MAN1C1: variants seen among roughly 807,000 people sequenced by gnomAD.
MAN1C1 encodes mannosidase alpha class 1C member 1, also known as mannosyl-oligosaccharide 1,2-alpha-mannosidase IC.
Under a neutral mutation model 71.5 loss-of-function variants are expected in MAN1C1, and 49 were observed. That is an observed-to-expected ratio of 0.69 (90% CI 0.54 to 0.87). The LOEUF is 0.87. Among genes scored for constraint, MAN1C1 ranks in the 40% least tolerant of loss-of-function variants. The pLI is 0.00. For missense variants in MAN1C1, 743 were observed against 835.0 expected, an observed-to-expected ratio of 0.89 and a Z score of 1.36; for synonymous variants, 352 against 343.7, an observed-to-expected ratio of 1.02 and a Z score of -0.27.
intron 2 of MAN1C1, among the ~76,000 whole-genome samples, chr1:25,737,645 C>T (rs937698025): frequency 3.3e-5 from 5 of 152,168 alleles, no homozygotes; most frequent in African/African-American, 4.8e-5. Context: ...TTCACAGGCA[C>T]CTATGCAGAG....
At chr1:25,663,101 T>A (rs926902573) in intron 1 of MAN1C1, among the ~76,000 whole-genome samples, 5 of 148,422 alleles carry the variant, frequency 3.4e-5, no homozygotes, top group African/African-American at 1.2e-4. Flanking sequence ...AAAAAAAAAA[T>A]TATACATATA....
chr1:25,648,162 A>G (rs569810872), intron 1 of MAN1C1, among the ~76,000 whole-genome samples: 4 of 152,354 alleles, frequency 2.6e-5, no homozygotes, highest in South Asian at 4.1e-4. Flanking sequence ...CAGTGCTACC[A>G]TCTCCTGGTG....
At chr1:25,649,934 G>A (rs889756042) in intron 1 of MAN1C1, among the ~76,000 whole-genome samples, 6 of 152,244 alleles carry the variant, frequency 3.9e-5, no homozygotes, top group African/African-American at 1.4e-4. Flanking sequence ...CACCGTGCCC[G>A]GCCTGGCCTT....
chr1:25,769,750 AAG>A lies in MAN1C1; in HGVS notation c.1142-1904_1142-1903del, dbSNP rs2047520967. On this transcript the variant is annotated intron_variant, in intron 7 of 11. Coordinates refer to ENST00000374332, the MANE Select transcript of MAN1C1 (RefSeq NM_020379.4). The surrounding 1 kb of genome is among the most constrained non-coding windows in gnomAD (Gnocchi z 4.8). Reference sequence around the variant, plus strand: ...GAGTCGCATGCAATCCCTCCCCACAAAGAGCCCACGAGCTAGTGAGGGAGGCA... The same window carrying A: ...GAGTCGCATGCAATCCCTCCCCACAAAGCCCACGAGCTAGTGAGGGAGGCA... Among the ~76,000 whole-genome samples the A allele has an allele frequency of 1.3e-5, 2 of 152,082 alleles. No homozygotes were observed. Among genetic ancestry groups the A allele is most frequent in the South Asian group, 4.1e-4 (2 of 4,834 alleles).
intron 1 of MAN1C1, chr1:25,644,488 T>C (rs1323719441): frequency 7.6e-6 from 1 of 131,992 alleles, no homozygotes; most frequent in Non-Finnish European, 1.5e-5. Context: ...GGGGTAATGG[T>C]ACCAGAGACA....
At chr1:25,733,175 T>C (rs2046933220) in intron 2 of MAN1C1, among the ~76,000 whole-genome samples, 4 of 152,138 alleles carry the variant, frequency 2.6e-5, no homozygotes, top group Admixed American at 2.6e-4. Flanking sequence ...TCACAGGGTC[T>C]CAAAGCACAG....
At chr1:25,661,317 C>T (rs957973628) in intron 1 of MAN1C1, among the ~76,000 whole-genome samples, 3 of 152,188 alleles carry the variant, frequency 2.0e-5, no homozygotes, top group Non-Finnish European at 4.4e-5. Context: ...AAATAAGTAT[C>T]CAGTGTGGAC....
intron 1 of MAN1C1, among the ~76,000 whole-genome samples, chr1:25,668,547 T>TTTTCTTTCTTTC (rs71014380): frequency 6.8e-6 from 1 of 146,288 alleles, no homozygotes; most frequent in Non-Finnish European, 1.5e-5. Flanking sequence ...AGCCTTCTAC[T>TTTTCTTTCTTTC]TTTCTTTCTT....
chr1:25,726,924 G>T (rs1009955194), intron 2 of MAN1C1, among the ~76,000 whole-genome samples: 6 of 151,286 alleles, frequency 4.0e-5, no homozygotes, highest in Non-Finnish European at 8.8e-5. Context: ...AACTGCGGTG[G>T]CATGTGTCTG....
chr1:25,719,196 C>A (rs1209509460), intron 2 of MAN1C1, among the ~76,000 whole-genome samples: 1 of 149,806 alleles, frequency 6.7e-6, no homozygotes, highest in Admixed American at 6.6e-5. Context: ...CCTCAGCCTC[C>A]CGAGTAGCTG....
intron 2 of MAN1C1, among the ~76,000 whole-genome samples, chr1:25,690,761 G>A (rs1572152452): frequency 1.3e-5 from 2 of 152,362 alleles, no homozygotes; most frequent in South Asian, 4.1e-4. Flanking sequence ...AGTCTGTGGT[G>A]AGGATTAGAG....
At chr1:25,668,819 A>G (rs1233762354) in intron 1 of MAN1C1, among the ~76,000 whole-genome samples, 2 of 151,814 alleles carry the variant, frequency 1.3e-5, no homozygotes, top group African/African-American at 4.8e-5. Context: ...CGGCCTCCCA[A>G]AGTGCTGGGA....
intron 1 of MAN1C1, among the ~76,000 whole-genome samples, chr1:25,647,255 G>GT (rs933578609): frequency 6.6e-6 from 1 of 152,164 alleles, no homozygotes; most frequent in Non-Finnish European, 1.5e-5. Flanking sequence ...GCCCTCTCCA[G>GT]TTTTTTGGGA....
At chr1:25,647,999 G>A (rs1345599320) in intron 1 of MAN1C1, among the ~76,000 whole-genome samples, 1 of 152,196 alleles carries the variant, frequency 6.6e-6, no homozygotes, top group Non-Finnish European at 1.5e-5. Flanking sequence ...AGGCCACCAT[G>A]AGCCCACAGC....
At chr1:25,676,867 C>A (rs2046075997) in intron 1 of MAN1C1, among the ~76,000 whole-genome samples, 2 of 152,286 alleles carry the variant, frequency 1.3e-5, no homozygotes, top group South Asian at 4.2e-4. Context: ...CCCTTCCTTC[C>A]AAGTTGTACC....
intron 1 of MAN1C1, among the ~76,000 whole-genome samples, chr1:25,649,677 G>A (rs986097859): frequency 3.9e-5 from 6 of 152,060 alleles, no homozygotes; most frequent in African/African-American, 9.7e-5. Context: ...TCACTCTGTC[G>A]CCCAGGCTGG....
At chr1:25,700,320 G>A (rs997097216) in intron 2 of MAN1C1, among the ~76,000 whole-genome samples, 1 of 152,230 alleles carries the variant, frequency 6.6e-6, no homozygotes, top group Non-Finnish European at 1.5e-5. Flanking sequence ...AGCACGCAGG[G>A]CATGGCTCCC....
rs934278197 is a variant in MAN1C1 at position 25,725,403 on chromosome 1, G to A, written c.638-21265G>A. On this transcript the variant is annotated intron_variant, in intron 2 of 11. Coordinates refer to ENST00000374332, the MANE Select transcript of MAN1C1 (RefSeq NM_020379.4). The surrounding 1 kb of genome is among the most constrained non-coding windows in gnomAD (Gnocchi z 4.8). ...CGTAATTATGTGGTCAAAGTGCTAC[G>A]GGAATACAGAGGAAGGAGCCACTGA... 5.3e-5 allele frequency among the ~76,000 whole-genome samples: 8 copies of A among 152,218 alleles called. No homozygotes were observed. The highest frequency in any genetic ancestry group is 8.8e-5 in the Non-Finnish European group (6 of 68,042).
chr1:25,729,202 C>A (rs74959021), intron 2 of MAN1C1, among the ~76,000 whole-genome samples: 2 of 152,338 alleles, frequency 1.3e-5, no homozygotes, highest in South Asian at 2.1e-4. Flanking sequence ...TCCCCCGAAA[C>A]CTATGCTCCT....
Sources: allele counts gnomAD v4.1 joint callset (sites outside exome capture counted in the v4.1 genomes callset), GRCh38; gene constraint gnomAD v4.1.1; non-coding constraint Gnocchi (gnomAD v3.1); transcripts MANE v1.5; gene names NCBI Gene and HGNC (gene_info 2026-07-23, HGNC 2026-07-21).